Variants in LYVE1 observed in about 807,000 individuals in gnomAD.
The protein encoded by LYVE1 is lymphatic vessel endothelial hyaluronan receptor 1, also known as lymphatic vessel endothelial hyaluronic acid receptor 1.
LYVE1 carries 29 observed loss-of-function variants against 31.5 expected under a neutral mutation model. The observed-to-expected ratio is 0.92, with a 90% CI of 0.69 to 1.26. The LOEUF (loss-of-function observed/expected upper bound fraction) is 1.26, where lower values mean the gene tolerates loss of function less well. Among genes scored for constraint, LYVE1 ranks in the 50% most tolerant of loss-of-function variants. The pLI, the probability that LYVE1 is intolerant of heterozygous loss-of-function variation, is 0.00. For synonymous variants in LYVE1, 134 were observed against 139.4 expected, an observed-to-expected ratio of 0.96 and a Z score of 0.27; for missense variants, 376 against 380.2, an observed-to-expected ratio of 0.99 and a Z score of 0.09.
chr11:10,561,232 A>G (rs1490081315), intron 3 of LYVE1, among the ~76,000 whole-genome samples: 2 of 152,156 alleles, frequency 1.3e-5, no homozygotes, highest in South Asian at 2.1e-4. Flanking sequence ...CTTGATTGGC[A>G]TATGTTCTTG....
At position 10,564,070 on chromosome 11, in the gene LYVE1, C is replaced by G; in HGVS notation, c.267G>C (p.Trp89Cys). 9.9e-6 allele frequency: 16 copies of G among 1,614,180 alleles called. No individual in the cohort carries two copies. The highest frequency in any genetic ancestry group is 1.4e-5 in the Non-Finnish European group (16 of 1,180,040). ...AGATGACCACGAATCCATCTCCAAC[C>G]CAGCCATAGCTGTAAAAGAATACAC... ...KASFETCSYG[W>C]VGDGFVVISR... is the part of the protein sequence containing the mutation. Residue 89 changes from tryptophan (W) to cysteine (C), a missense_variant, in exon 3 of 6, where the codon TGG becomes TGC. Physicochemically the swap from Trp to Cys is radical, Grantham distance 215. Transcript: ENST00000256178.
rs1342897651 is a variant in LYVE1, at chr11:10,557,337, A to G, written c.*1774T>C. 1.3e-5 allele frequency: 2 copies of G among 152,232 alleles called. No homozygotes were observed. Among genetic ancestry groups the G allele is most frequent in the Non-Finnish European group, 2.9e-5 (2 of 68,032 alleles). 9.4% of individuals were successfully genotyped at this position (152,232 alleles called of 1,614,324 possible). A position where few individuals can be genotyped will look rare whatever the true frequency, so the allele number is the denominator to read the frequency against. ...TTTACTTCCAGATCTTTCCATTTTT[A>G]GAGGGAACCCAGAAATGTAACCATG... On this transcript the variant is annotated 3_prime_UTR_variant, in exon 6 of 6. Coordinates refer to ENST00000256178, the MANE Select transcript of LYVE1 (RefSeq NM_006691.4).
chr11:10,558,825 A>G lies in LYVE1; in HGVS notation c.*286T>C. Reference sequence around the variant, plus strand: ...ATGTTTTAGGTCCTTGCACTTTGCAAAACTCCTTTCTCCCAGTGGGATATT... The same window carrying G: ...ATGTTTTAGGTCCTTGCACTTTGCAGAACTCCTTTCTCCCAGTGGGATATT... On this transcript the variant is annotated 3_prime_UTR_variant, in exon 6 of 6. Coordinates refer to ENST00000256178, the MANE Select transcript of LYVE1 (RefSeq NM_006691.4). 1 of 349,444 alleles carries G rather than the reference A, an allele frequency of 2.9e-6. No homozygotes were observed. The highest frequency in any genetic ancestry group is 4.7e-5 in the East Asian group (1 of 21,252). The allele number at this position is 349,444 out of a possible 1,614,324, so 21.6% of individuals were successfully genotyped here. A position where few individuals can be genotyped will look rare whatever the true frequency, so the allele number is the denominator to read the frequency against.
Position 10,559,068 on chromosome 11 carries a change from G to C in LYVE1, c.*43C>G, listed in dbSNP as rs1440432964. The C allele has an allele frequency of 6.3e-7, 1 of 1,584,400 alleles. No homozygotes were observed. The highest frequency in any genetic ancestry group is 1.4e-5 in the African/African-American group (1 of 73,580). ...CCAGCTGGGGCAGGGTAAGGAGCAT[G>C]AAAGAAACCAGCCTCAGGTGTGTCT... On this transcript the variant is annotated 3_prime_UTR_variant, in exon 6 of 6. Coordinates refer to ENST00000256178, the MANE Select transcript of LYVE1 (RefSeq NM_006691.4).
At position 10,558,413 on chromosome 11, in the gene LYVE1, A is replaced by AGT; in HGVS notation, c.*696_*697dup. The AGT allele has an allele frequency of 6.6e-6, 1 of 152,358 alleles. No homozygotes were observed. Among genetic ancestry groups the AGT allele is most frequent in the East Asian group, 1.9e-4 (1 of 5,192 alleles). 9.4% of individuals were successfully genotyped at this position (152,358 alleles called of 1,614,324 possible). A position where few individuals can be genotyped will look rare whatever the true frequency, so the allele number is the denominator to read the frequency against. On this transcript the variant is annotated 3_prime_UTR_variant, in exon 6 of 6. Transcript: ENST00000256178. ...ATCAGCAGTGGTAGAGACCAGAAAAAGTAAGTGTGTGTGTTCTAAACAGTG... is the reference window on the plus strand; with the variant it reads ...ATCAGCAGTGGTAGAGACCAGAAAAAGTGTAAGTGTGTGTGTTCTAAACAGTG...
intron 3 of LYVE1, among the ~76,000 whole-genome samples, chr11:10,561,943 C>T (rs772288432): frequency 2.6e-5 from 4 of 151,764 alleles, no homozygotes; most frequent in East Asian, 1.9e-4. Context: ...ACATTTTGCA[C>T]GTGTATCCCA....
chr11:10,564,340 C>T lies in LYVE1; in HGVS notation c.120G>A (p.Gly40=). 1 of 1,614,006 alleles carries T rather than the reference C, an allele frequency of 6.2e-7. No homozygotes were observed. The highest frequency in any genetic ancestry group is 8.5e-7 in the Non-Finnish European group (1 of 1,179,926). The change falls in exon 2 of 6, where the codon GGG becomes GGA. Residue 40 remains glycine (G), a synonymous_variant. Transcript: ENST00000256178. The stretch of plus-strand genomic sequence containing the variant: ...TCGCCTTTTTGCTCACAAGGGTGAT[C>T]CCCATAATTCTGCATGACACCTGGA... The part of the protein sequence containing the change: ...LSIQVSCRIM[G]ITLVSKKANQ...
At chr11:10,561,697 T>C (rs182451634) in intron 3 of LYVE1, among the ~76,000 whole-genome samples, 5 of 152,298 alleles carry the variant, frequency 3.3e-5, no homozygotes, top group Admixed American at 2.6e-4. Flanking sequence ...TTTAGAGAAA[T>C]TGAATAACTC....
Position 10,559,193 on chromosome 11 carries a change from T to G in LYVE1, c.887A>C (p.Glu296Ala). ...TGGGTTTTTATCAGTTTTCTTTGAT[T>G]CCTCATTAGGGTTGCTATCATTGGC... The part of the protein sequence containing the change: ...EKANDSNPNE[E>A]SKKTDKNPEE... The change falls in exon 6 of 6, where the codon GAA (glutamate) becomes GCA (alanine). Residue 296 changes from glutamate (E) to alanine (A), a missense_variant. By Grantham distance (107) the Glu-to-Ala change is moderately radical. Coordinates refer to ENST00000256178, the MANE Select transcript of LYVE1 (RefSeq NM_006691.4). 2.5e-6 allele frequency: 4 copies of G among 1,614,146 alleles called. No homozygotes were observed. Among genetic ancestry groups the G allele is most frequent in the Non-Finnish European group, 3.4e-6 (4 of 1,179,966 alleles).
At chr11:10,559,388 A>G in intron 5 of LYVE1, 91 bp from the exon 6 acceptor site, 1 of 877,222 alleles carries the variant, frequency 1.1e-6, no homozygotes, top group Non-Finnish European at 1.8e-6. Flanking sequence ...GGCACAGTAC[A>G]CTGGATACCT....
Sources: allele counts gnomAD v4.1 joint callset (sites outside exome capture counted in the v4.1 genomes callset), GRCh38; gene constraint gnomAD v4.1.1; transcripts MANE v1.5; gene names NCBI Gene and HGNC (gene_info 2026-07-23, HGNC 2026-07-21).